PAX9: variants seen among roughly 807,000 people sequenced by gnomAD.
PAX9 encodes paired box 9.
PAX9 carries 6 observed loss-of-function variants against 29.1 expected under a neutral mutation model. The ratio of observed to expected loss-of-function variants is 0.21; its 90% CI spans 0.11 to 0.41. The LOEUF is 0.41. Ranked by LOEUF, PAX9 falls within the 10% of genes least tolerant of loss-of-function variation. PAX9 has a pLI of 1.00. For missense variants in PAX9, 443 were observed against 479.1 expected, an observed-to-expected ratio of 0.92 and a Z score of 0.70; for synonymous variants, 217 against 211.7, an observed-to-expected ratio of 1.03 and a Z score of -0.22.
chr14:36,669,665 T>G (rs1210556691), intron 3 of PAX9, among the ~76,000 whole-genome samples: 1 of 152,176 alleles, frequency 6.6e-6, no homozygotes, highest in African/African-American at 2.4e-5. Flanking sequence ...CTAGAGTTTC[T>G]ATTTTCAGCT....
At position 36,674,218 on chromosome 14, in the gene PAX9, T is replaced by A. The variant is rs574049888; in HGVS notation, c.772-1980T>A. Among the ~76,000 whole-genome samples, 7 of 152,358 alleles carry A rather than the reference T, an allele frequency of 4.6e-5. No homozygotes were observed. The East Asian group carries it at 5.8e-4, about 13-fold the overall frequency. Reference sequence around the variant, plus strand: ...AAAGTGGAAGAAACTATTCTTTTTTTAGAAGGGATCTGACAATGAGAATCA... The same window carrying A: ...AAAGTGGAAGAAACTATTCTTTTTTAAGAAGGGATCTGACAATGAGAATCA... On this transcript the variant is annotated intron_variant, in intron 3 of 3. Coordinates refer to ENST00000361487, the MANE Select transcript of PAX9 (RefSeq NM_001372076.1).
chr14:36,668,732 A>G (rs1250883477), intron 3 of PAX9, among the ~76,000 whole-genome samples: 1 of 151,256 alleles, frequency 6.6e-6, no homozygotes, highest in Non-Finnish European at 1.5e-5. Flanking sequence ...TAACATTGAA[A>G]TTTGTTTGGA....
chr14:36,667,335 C>A (rs933334688), intron 3 of PAX9, among the ~76,000 whole-genome samples: 1 of 151,808 alleles, frequency 6.6e-6, no homozygotes, highest in Non-Finnish European at 1.5e-5. Flanking sequence ...TTTTTATTTT[C>A]CCCCCGAGAA....
Position 36,678,469 on chromosome 14 carries a change from ATCTGGAGTTCCCAG to A in PAX9, c.*2023_*2036del. 6.5e-7 allele frequency: 1 copy of A among 1,534,442 alleles called. No homozygotes were observed. The highest frequency in any genetic ancestry group is 1.4e-5 in the African/African-American group (1 of 73,110). On this transcript the variant is annotated 3_prime_UTR_variant, in exon 4 of 4. Transcript: ENST00000361487. ...TTGATCTTGTAAAACTTCCATTGAC[ATCTGGAGTTCCCAG>A]TCTGGTGAGAAAATAGACTATAAAC...
At chr14:36,664,190 T>C (rs2139109822) in intron 2 of PAX9, among the ~76,000 whole-genome samples, 1 of 152,326 alleles carries the variant, frequency 6.6e-6, no homozygotes, top group South Asian at 2.1e-4. Flanking sequence ...TCTCTCTCTC[T>C]CTCTTTCTCT....
In PAX9 at chr14:36,678,578, T is replaced by G. The variant is rs1233532411; in HGVS notation, c.*2126T>G. 6.6e-7 allele frequency: 1 copy of G among 1,517,638 alleles called. No individual in the cohort carries two copies. The highest frequency in any genetic ancestry group is 8.8e-7 in the Non-Finnish European group (1 of 1,137,650). 94.0% of individuals were successfully genotyped at this position (1,517,638 alleles called of 1,614,324 possible). On this transcript the variant is annotated 3_prime_UTR_variant, in exon 4 of 4. Coordinates refer to ENST00000361487, the MANE Select transcript of PAX9 (RefSeq NM_001372076.1). ...TTAAAACCATACCATACAGGGACTC[T>G]CCTGTCATCTGAAAAACTGATGTAA...
chr14:36,669,889 C>A (rs1422326664), intron 3 of PAX9, among the ~76,000 whole-genome samples: 1 of 151,918 alleles, frequency 6.6e-6, no homozygotes, highest in Non-Finnish European at 1.5e-5. Flanking sequence ...CTTTTTTATA[C>A]CCACAGTTAA....
rs2139126323 is a variant in PAX9 at position 36,678,373 on chromosome 14, A to G, written c.*1921A>G. The G allele has an allele frequency of 1.0e-6, 1 of 955,210 alleles. No individual in the cohort carries two copies. Among genetic ancestry groups the G allele is most frequent in the East Asian group, 2.6e-5 (1 of 38,268 alleles). 59.2% of individuals were successfully genotyped at this position (955,210 alleles called of 1,614,324 possible). On this transcript the variant is annotated 3_prime_UTR_variant, in exon 4 of 4. Transcript: ENST00000361487. ...AAGCAACCGAAATTCAGTGCTACAA[A>G]TAGAGGATTATAACTTCAGGAGAAG... is the stretch of plus-strand genomic sequence containing the variant.
At chr14:36,663,598 A>G in intron 2 of PAX9, 75 bp downstream of exon 2, 1 of 1,569,322 alleles carries the variant, frequency 6.4e-7, no homozygotes, top group South Asian at 1.1e-5. Flanking sequence ...CAGTATCTGC[A>G]GCCTCAGGGA....
chr14:36,659,909 C>A (rs535437947), upstream of PAX9, among the ~76,000 whole-genome samples: 1 of 152,314 alleles, frequency 6.6e-6, no homozygotes, highest in African/African-American at 2.4e-5. Flanking sequence ...CCCCAGACCC[C>A]CCGCGGGACA....
chr14:36,663,168 GA>G lies in PAX9; in HGVS notation c.277del (p.Arg93GlufsTer28). On this transcript the variant is annotated frameshift_variant, in exon 2 of 4. Coordinates refer to ENST00000361487, the MANE Select transcript of PAX9 (RefSeq NM_001372076.1). LOFTEE classifies it high-confidence loss of function. ...VVKHIRTYKQ[R>X]DPGIFAWEIR... ...TGAAACACATCCGGACCTACAAGCA[GA>G]GAGACCCCGGCATCTTCGCCTGGGA... 6.2e-7 allele frequency: 1 copy of G among 1,614,116 alleles called. No individual in the cohort carries two copies. The highest frequency in any genetic ancestry group is 8.5e-7 in the Non-Finnish European group (1 of 1,180,056).
At chr14:36,662,740 G>T in intron 1 of PAX9, 157 bp from the exon 2 acceptor site, 1 of 860,572 alleles carries the variant, frequency 1.2e-6, no homozygotes, top group Non-Finnish European at 1.8e-6. Context: ...GGGCCGTTCG[G>T]CTATGTTCAG....
Position 36,666,492 on chromosome 14 carries a change from A to G in PAX9, c.662A>G (p.Lys221Arg), listed in dbSNP as rs779059411. The stretch of plus-strand genomic sequence containing the variant: ...GACAGCTCCCCCTACCACAGCCCCA[A>G]GGTGGAGGAGTGGAGCAGCCTGGGC... Reference protein sequence around the residue: ...VSDSSPYHSPKVEEWSSLGRN... With the variant: ...VSDSSPYHSPRVEEWSSLGRN... The change falls in exon 3 of 4, where the codon AAG (lysine) becomes AGG (arginine). Residue 221 changes from lysine to arginine, a missense_variant. By Grantham distance (26) the Lys-to-Arg change is conservative. This residue lies in a region of PAX9 where 336 missense variants were observed against 317.2 expected (regional missense o/e 1.06). Coordinates refer to ENST00000361487, the MANE Select transcript of PAX9 (RefSeq NM_001372076.1). 6 of 1,610,524 alleles carry G rather than the reference A, an allele frequency of 3.7e-6. No homozygotes were observed. Among genetic ancestry groups the G allele is most frequent in the African/African-American group, 1.3e-5 (1 of 74,846 alleles).
In PAX9 at chr14:36,678,531, C is replaced by T. The variant is rs1354732442; in HGVS notation, c.*2079C>T. ...AACTGAATGGAACAAAGATCCAATCCAATATTTTGGTGGAGACTTCTTTAA... is the reference window on the plus strand; with the variant it reads ...AACTGAATGGAACAAAGATCCAATCTAATATTTTGGTGGAGACTTCTTTAA... On this transcript the variant is annotated 3_prime_UTR_variant, in exon 4 of 4. Transcript: ENST00000361487. 6.5e-7 allele frequency: 1 copy of T among 1,536,684 alleles called. No individual in the cohort carries two copies. The highest frequency in any genetic ancestry group is 1.4e-5 in the African/African-American group (1 of 73,120).
upstream of PAX9, among the ~76,000 whole-genome samples, chr14:36,659,748 G>A (rs1293372373): frequency 6.6e-6 from 1 of 152,192 alleles, no homozygotes; most frequent in Non-Finnish European, 1.5e-5. Context: ...TTGAACCTAT[G>A]TGAGAACTGG....
chr14:36,676,505 C>T lies in PAX9; in HGVS notation c.*53C>T. On this transcript the variant is annotated 3_prime_UTR_variant, in exon 4 of 4. Coordinates refer to ENST00000361487, the MANE Select transcript of PAX9 (RefSeq NM_001372076.1). ...CCCGGGTCTCCCTGTCTCAGCACCT[C>T]CTCCCCCAATTCCCAGGTCTCACAT... is the stretch of plus-strand genomic sequence containing the variant. 5 of 1,598,816 alleles carry T rather than the reference C, an allele frequency of 3.1e-6. No homozygotes were observed. The highest frequency in any genetic ancestry group is 4.2e-6 in the Non-Finnish European group (5 of 1,176,886).
chr14:36,667,031 G>T (rs756387882), intron 3 of PAX9, among the ~76,000 whole-genome samples: 2 of 152,206 alleles, frequency 1.3e-5, no homozygotes, highest in African/African-American at 4.8e-5. Context: ...CTTCACGCCC[G>T]CGAAACGCGC....
intron 3 of PAX9, among the ~76,000 whole-genome samples, chr14:36,669,163 C>T (rs930513097): frequency 6.6e-6 from 1 of 152,106 alleles, no homozygotes; most frequent in Non-Finnish European, 1.5e-5. Context: ...GAAGATGTGC[C>T]AAGTTCAGCC....
In PAX9 at chr14:36,663,588, C is replaced by T; in HGVS notation, c.631+65C>T. 1.9e-6 allele frequency: 3 copies of T among 1,588,380 alleles called. No individual in the cohort carries two copies. In the East Asian group the frequency reaches 6.8e-5, roughly 36 times the overall value. ...TGCCCCCGCACTCTCGCGGAGGTCC[C>T]AGTATCTGCAGCCTCAGGGACACTG... On this transcript the variant is annotated intron_variant, in intron 2 of 3. Coordinates refer to ENST00000361487, the MANE Select transcript of PAX9 (RefSeq NM_001372076.1).
Sources: gnomAD v4.1 joint callset for allele counts (sites outside exome capture counted in the v4.1 genomes callset) on GRCh38, gnomAD v4.1.1 for gene constraint, gnomAD v4.1.1 regional missense constraint, MANE v1.5 for transcripts, NCBI Gene and HGNC (gene_info 2026-07-23, HGNC 2026-07-21) for gene names.